SLC16A7: variants seen among roughly 807,000 people sequenced by gnomAD.
SLC16A7 encodes the protein monocarboxylate transporter 2.
SLC16A7 carries 33 observed loss-of-function variants against 34.9 expected under a neutral mutation model. The observed-to-expected ratio is 0.94, with a 90% CI of 0.72 to 1.26. The LOEUF is 1.26. Among genes scored for constraint, SLC16A7 ranks in the 50% most tolerant of loss-of-function variants. The pLI is 0.00. For synonymous variants in SLC16A7, 201 were observed against 206.6 expected (o/e 0.97, Z 0.23); for missense variants, 573 against 578.1 (o/e 0.99, Z 0.09).
intron 3 of SLC16A7, among the ~76,000 whole-genome samples, chr12:59,738,585 G>T (rs1877883847): frequency 6.6e-6 from 1 of 152,068 alleles, no homozygotes; most frequent in African/African-American, 2.4e-5. Context: ...ACCCTTTGCT[G>T]GCATTTCAAC....
chr12:59,636,383 G>A (rs1218786790), intron 1 of SLC16A7, among the ~76,000 whole-genome samples: 1 of 152,018 alleles, frequency 6.6e-6, no homozygotes, highest in East Asian at 1.9e-4. Context: ...GGCCTTTTCT[G>A]ATTAAGTTAT....
intron 3 of SLC16A7, among the ~76,000 whole-genome samples, chr12:59,729,667 A>T (rs372145379): frequency 6.6e-6 from 1 of 152,192 alleles, no homozygotes; most frequent in Non-Finnish European, 1.5e-5. Flanking sequence ...AAAAGATTAC[A>T]TAGCAAAGGG....
In SLC16A7 at chr12:59,769,921, A is replaced by G. The variant is rs145444506; in HGVS notation, c.218-1298A>G. On this transcript the variant is annotated intron_variant, in intron 3 of 5. Transcript: ENST00000547379. ...TAGTTTCAGATGAAATACAATTTTAATTTAAGAATGAAATATGAAAGCAAG... is the reference window on the plus strand; with the variant it reads ...TAGTTTCAGATGAAATACAATTTTAGTTTAAGAATGAAATATGAAAGCAAG... Among the ~76,000 whole-genome samples the G allele has an allele frequency of 1.8e-4, 27 of 152,186 alleles. 1 individual carries two copies. The East Asian group carries it at 5.2e-3, about 29-fold the overall frequency.
chr12:59,699,127 A>G (rs928571301), intron 2 of SLC16A7, among the ~76,000 whole-genome samples: 5 of 151,508 alleles, frequency 3.3e-5, no homozygotes, highest in African/African-American at 1.2e-4. Flanking sequence ...TAAATTACTA[A>G]TTAGTATTTA....
At position 59,665,752 on chromosome 12, in the gene SLC16A7, C is replaced by T. The variant is rs370621815; in HGVS notation, c.-31+10502C>T. Among the ~76,000 whole-genome samples the T allele has an allele frequency of 5.7e-4, 85 of 150,380 alleles. 2 individuals carry two copies. The South Asian group carries it at 0.014, about 25-fold the overall frequency. On this transcript the variant is annotated intron_variant, in intron 2 of 5. Transcript: ENST00000547379. ...AATTACAGGAATTTATATATATATA[C>T]ACACACACACACATATATGTAACTT...
In SLC16A7 at chr12:59,671,913, GTA is replaced by G. The variant is rs1491114684; in HGVS notation, c.-31+16669_-31+16670del. Among the ~76,000 whole-genome samples, 24 of 58,594 alleles carry G rather than the reference GTA, an allele frequency of 4.1e-4. 7 individuals are homozygous for G. The highest frequency in any genetic ancestry group is 5.5e-4 in the Non-Finnish European group (19 of 34,650). The allele number at this position is 58,594 out of a possible 152,430, so 38.4% of individuals were successfully genotyped here. ...TGTACATATGTATATATACATATAT[GTA>G]TATATGTATATATCCATATATGTAT... On this transcript the variant is annotated intron_variant, in intron 2 of 5. Transcript: ENST00000547379.
At chr12:59,764,923 G>T (rs1881429987) in intron 3 of SLC16A7, among the ~76,000 whole-genome samples, 1 of 152,238 alleles carries the variant, frequency 6.6e-6, no homozygotes, top group South Asian at 2.1e-4. Flanking sequence ...CTTCCACAAT[G>T]GTTGAACTAG....
chr12:59,743,709 A>G (rs1184760526), intron 3 of SLC16A7, among the ~76,000 whole-genome samples: 1 of 152,218 alleles, frequency 6.6e-6, no homozygotes, highest in African/African-American at 2.4e-5. Context: ...AAATGTGTAC[A>G]ATTGATACAT....
At chr12:59,765,437 G>A (rs191216682) in intron 3 of SLC16A7, among the ~76,000 whole-genome samples, 1,624 of 152,226 alleles carry the variant, frequency 0.011, 23 homozygotes, top group Non-Finnish European at 0.019. Context: ...TAATGCCTAG[G>A]TTTTCTTCTA....
intron 1 of SLC16A7, among the ~76,000 whole-genome samples, chr12:59,628,648 G>T (rs1284692245): frequency 6.6e-6 from 1 of 151,752 alleles, no homozygotes; most frequent in Non-Finnish European, 1.5e-5. Flanking sequence ...TTGTGTGTGT[G>T]TAAGTGTGCG....
At chr12:59,741,748 C>G (rs1878371517) in intron 3 of SLC16A7, among the ~76,000 whole-genome samples, 1 of 152,122 alleles carries the variant, frequency 6.6e-6, no homozygotes, top group African/African-American at 2.4e-5. Context: ...TGATTTACAG[C>G]TTATTTTAGG....
At chr12:59,673,434 G>A (rs991822755) in intron 2 of SLC16A7, among the ~76,000 whole-genome samples, 1 of 151,414 alleles carries the variant, frequency 6.6e-6, no homozygotes, top group African/African-American at 2.4e-5. Flanking sequence ...TAACTCAGTA[G>A]GTAGGACCCT....
intron 2 of SLC16A7, among the ~76,000 whole-genome samples, chr12:59,659,846 A>T (rs563598399): frequency 6.6e-6 from 1 of 152,212 alleles, no homozygotes; most frequent in South Asian, 2.1e-4. Flanking sequence ...AGCTTGCTTA[A>T]TTTTTTCTTG....
intron 3 of SLC16A7, among the ~76,000 whole-genome samples, chr12:59,737,969 G>A (rs942194353): frequency 3.3e-5 from 5 of 152,146 alleles, no homozygotes; most frequent in South Asian, 2.1e-4. Context: ...TGCCTATACA[G>A]TATGAGATAA....
At chr12:59,688,482 A>G (rs557736037) in intron 2 of SLC16A7, among the ~76,000 whole-genome samples, 3 of 152,248 alleles carry the variant, frequency 2.0e-5, no homozygotes, top group African/African-American at 7.2e-5. Flanking sequence ...TTGCCTGCCA[A>G]ATGAAGACAA....
intron 2 of SLC16A7, among the ~76,000 whole-genome samples, chr12:59,677,189 TA>T (rs573983769): frequency 3.3e-5 from 5 of 152,250 alleles, no homozygotes; most frequent in Admixed American, 3.3e-4. Flanking sequence ...TCCTTTCTAG[TA>T]AAAAGACAAA....
intron 3 of SLC16A7, among the ~76,000 whole-genome samples, chr12:59,713,813 A>G (rs898477669): frequency 6.6e-6 from 1 of 152,186 alleles, no homozygotes; most frequent in Admixed American, 6.5e-5. Flanking sequence ...AACTATACAT[A>G]ATTTCACTCA....
chr12:59,750,535 A>T (rs1879402160), intron 3 of SLC16A7, among the ~76,000 whole-genome samples: 1 of 152,116 alleles, frequency 6.6e-6, no homozygotes, highest in African/African-American at 2.4e-5. Flanking sequence ...AGTTAGAATG[A>T]CGATCATTAA....
chr12:59,711,305 G>T (rs977445807), intron 3 of SLC16A7, among the ~76,000 whole-genome samples: 6 of 152,152 alleles, frequency 3.9e-5, no homozygotes, highest in Admixed American at 1.3e-4. Context: ...TTTTTAAAGA[G>T]ATTAATATGT....
Sources: allele counts gnomAD v4.1 joint callset (sites outside exome capture counted in the v4.1 genomes callset), GRCh38; gene constraint gnomAD v4.1.1; transcripts MANE v1.5; gene names NCBI Gene and HGNC (gene_info 2026-07-23, HGNC 2026-07-21).